Variants in SYNJ2BP observed in about 807,000 individuals in gnomAD.
The protein encoded by SYNJ2BP is synaptojanin 2 binding protein.
Under a neutral mutation model 16.9 loss-of-function variants are expected in SYNJ2BP, and 10 were observed. That is an observed-to-expected ratio of 0.59 (90% CI 0.36 to 1.00). SYNJ2BP has a LOEUF of 1.00. Among genes scored for constraint, SYNJ2BP ranks in the 50% least tolerant of loss-of-function variants. SYNJ2BP has a pLI of 0.01. For synonymous variants in SYNJ2BP, 54 were observed against 68.4 expected, an observed-to-expected ratio of 0.79 and a Z score of 1.04; for missense variants, 162 against 186.7, an observed-to-expected ratio of 0.87 and a Z score of 0.77.
At chr14:70,383,054 C>T (rs1887786144) in intron 2 of SYNJ2BP, among the ~76,000 whole-genome samples, 1 of 152,060 alleles carries the variant, frequency 6.6e-6, no homozygotes, top group African/African-American at 2.4e-5. Context: ...TTTTTGGTCT[C>T]TTTTTTCATC....
At chr14:70,376,490 T>C (rs1887633229) in intron 2 of SYNJ2BP, among the ~76,000 whole-genome samples, 1 of 152,222 alleles carries the variant, frequency 6.6e-6, no homozygotes, top group Non-Finnish European at 1.5e-5. Flanking sequence ...CGGCCACAAG[T>C]AATAATCTAT....
chr14:70,393,329 T>G (rs1394690198), intron 1 of SYNJ2BP, among the ~76,000 whole-genome samples: 2 of 152,082 alleles, frequency 1.3e-5, no homozygotes, highest in African/African-American at 4.8e-5. Context: ...TGTGGAGAAA[T>G]GGGGATGCTT....
intron 1 of SYNJ2BP, among the ~76,000 whole-genome samples, chr14:70,413,912 A>G (rs1888545162): frequency 6.6e-6 from 1 of 152,238 alleles, no homozygotes; most frequent in Non-Finnish European, 1.5e-5. Flanking sequence ...GTACACAGCT[A>G]TACAAACACA....
At chr14:70,414,974 A>G (rs1431483238) in intron 1 of SYNJ2BP, among the ~76,000 whole-genome samples, 1 of 152,194 alleles carries the variant, frequency 6.6e-6, no homozygotes, top group Non-Finnish European at 1.5e-5. Flanking sequence ...GAATCCAAGA[A>G]ACTTGGGCAT....
At chr14:70,394,021 T>C (rs1049741693) in intron 1 of SYNJ2BP, among the ~76,000 whole-genome samples, 9 of 139,758 alleles carry the variant, frequency 6.4e-5, no homozygotes, top group African/African-American at 1.9e-4. Context: ...CTTAATAATA[T>C]ATTCTTAGTT....
chr14:70,380,989 AAG>A (rs1160241859), intron 2 of SYNJ2BP, among the ~76,000 whole-genome samples: 1 of 152,232 alleles, frequency 6.6e-6, no homozygotes, highest in Non-Finnish European at 1.5e-5. Context: ...TACAATACCT[AAG>A]AGAACTTTGT....
rs1376914801 is a variant in SYNJ2BP, at chr14:70,368,942, G to C, written c.*4049C>G. 1 of 152,018 alleles carries C rather than the reference G, an allele frequency of 6.6e-6. No homozygotes were observed. The highest frequency in any genetic ancestry group is 1.5e-5 in the Non-Finnish European group (1 of 68,028). The allele number at this position is 152,018 out of a possible 1,614,324, so 9.4% of individuals were successfully genotyped here. Reference sequence around the variant, plus strand: ...TAAGCTCTCCAGATGATTCTAACCTGAGCAAAGGGAATGATGACTGGCATA... The same window carrying C: ...TAAGCTCTCCAGATGATTCTAACCTCAGCAAAGGGAATGATGACTGGCATA... On this transcript the variant is annotated 3_prime_UTR_variant, in exon 4 of 4. Transcript: ENST00000256366.
At chr14:70,416,204 T>C (rs896168477) in intron 1 of SYNJ2BP, among the ~76,000 whole-genome samples, 1 of 152,108 alleles carries the variant, frequency 6.6e-6, no homozygotes, top group Admixed American at 6.5e-5. Context: ...GGATAGCAGT[T>C]TGGCTGCTCA....
intron 2 of SYNJ2BP, among the ~76,000 whole-genome samples, chr14:70,378,424 CTTTTT>C (rs34309608): frequency 9.1e-6 from 1 of 110,130 alleles, no homozygotes; most frequent in Non-Finnish European, 1.8e-5. Flanking sequence ...TTCCTTCAAA[CTTTTT>C]TTTTTTTTTT....
chr14:70,374,596 T>C (rs1353330310), intron 3 of SYNJ2BP, among the ~76,000 whole-genome samples: 2 of 152,210 alleles, frequency 1.3e-5, no homozygotes, highest in African/African-American at 4.8e-5. Context: ...ATAAAACACT[T>C]GGAAATAAGA....
At chr14:70,389,341 G>C (rs1383976777) in intron 1 of SYNJ2BP, among the ~76,000 whole-genome samples, 2 of 149,184 alleles carry the variant, frequency 1.3e-5, no homozygotes, top group Non-Finnish European at 3.0e-5. Flanking sequence ...ATTTATGTAT[G>C]ATAGTGCTTT....
chr14:70,413,127 T>A (rs765154156), intron 1 of SYNJ2BP, among the ~76,000 whole-genome samples: 2 of 152,136 alleles, frequency 1.3e-5, no homozygotes, highest in African/African-American at 4.8e-5. Flanking sequence ...TAGTCTAAAA[T>A]GGCAGGAAAT....
intron 1 of SYNJ2BP, among the ~76,000 whole-genome samples, chr14:70,396,582 A>ATGTATGTATG (rs58921352): frequency 0.75 from 113,023 of 150,296 alleles, 42,639 homozygotes; most frequent in East Asian, 0.93. Context: ...GTGTGTATGT[A>ATGTATGTATG]TGTATGTATG....
intron 2 of SYNJ2BP, 102 bp downstream of exon 2, chr14:70,388,368 T>C: frequency 7.2e-7 from 1 of 1,381,294 alleles, no homozygotes; most frequent in Admixed American, 3.0e-5. Context: ...ACAACCTGTA[T>C]ATTTCCAGAT....
chr14:70,386,403 T>C lies in SYNJ2BP; in HGVS notation c.201+2067A>G, dbSNP rs76108986. ...GACTGAAGAGAGGCAGAATAGTCAA[T>C]GAGAAGGACTGAAATACTGCAGTGC... On this transcript the variant is annotated intron_variant, in intron 2 of 3. Coordinates refer to ENST00000256366, the MANE Select transcript of SYNJ2BP (RefSeq NM_018373.3). Among the ~76,000 whole-genome samples the C allele has an allele frequency of 8.1e-3, 1,232 of 152,324 alleles. 12 individuals carry two copies. Among genetic ancestry groups the C allele is most frequent in the African/African-American group, 0.028 (1,148 of 41,576 alleles).
At chr14:70,382,181 A>G (rs1887765956) in intron 2 of SYNJ2BP, among the ~76,000 whole-genome samples, 1 of 152,226 alleles carries the variant, frequency 6.6e-6, no homozygotes, top group Non-Finnish European at 1.5e-5. Flanking sequence ...GCTTGCAGTG[A>G]GCTGAGATTG....
At position 70,372,877 on chromosome 14, in the gene SYNJ2BP, A is replaced by G; in HGVS notation, c.*114T>C. 3 of 1,475,052 alleles carry G rather than the reference A, an allele frequency of 2.0e-6. No individual in the cohort carries two copies. In the East Asian group the frequency reaches 6.8e-5, roughly 33 times the overall value. 91.4% of individuals were successfully genotyped at this position (1,475,052 alleles called of 1,614,324 possible). On this transcript the variant is annotated 3_prime_UTR_variant, in exon 4 of 4. Coordinates refer to ENST00000256366, the MANE Select transcript of SYNJ2BP (RefSeq NM_018373.3). ...GTGAACAGCAAGGTTTGGGGTGGGT[A>G]TCAGTCACTTCAAATCTGGCTATGC...
chr14:70,382,593 C>G (rs1212203755), intron 2 of SYNJ2BP, among the ~76,000 whole-genome samples: 2 of 152,170 alleles, frequency 1.3e-5, no homozygotes, highest in African/African-American at 4.8e-5. Flanking sequence ...CCTTGAACCT[C>G]ACTTTTAGTA....
intron 1 of SYNJ2BP, among the ~76,000 whole-genome samples, chr14:70,416,320 T>C (rs1888605789): frequency 1.2e-5 from 1 of 84,164 alleles, no homozygotes; most frequent in African/African-American, 1.3e-4. Context: ...TTATTTTCTT[T>C]TTTTTTTTTT....
Sources: gnomAD v4.1 joint callset for allele counts (sites outside exome capture counted in the v4.1 genomes callset) on GRCh38, gnomAD v4.1.1 for gene constraint, MANE v1.5 for transcripts, NCBI Gene and HGNC (gene_info 2026-07-23, HGNC 2026-07-21) for gene names.